Variants in CLEC4A observed in about 807,000 individuals in gnomAD.
CLEC4A encodes the protein C-type lectin domain family 4 member A, also known as C-type (calcium dependent, carbohydrate-recognition domain) lectin, superfamily member 6.
CLEC4A carries 27 observed loss-of-function variants against 32.7 expected under a neutral mutation model. The observed-to-expected ratio is 0.83, with a 90% CI of 0.61 to 1.14. CLEC4A has a LOEUF of 1.14. CLEC4A is among the 50% of genes most tolerant of loss of function. CLEC4A has a pLI of 0.00. For missense variants in CLEC4A, 253 were observed against 274.6 expected, an observed-to-expected ratio of 0.92 and a Z score of 0.55; for synonymous variants, 89 against 93.7, an observed-to-expected ratio of 0.95 and a Z score of 0.29.
chr12:8,131,980 G>A (rs1323439990), intron 3 of CLEC4A, among the ~76,000 whole-genome samples: 3 of 152,046 alleles, frequency 2.0e-5, no homozygotes, highest in Non-Finnish European at 2.9e-5. Flanking sequence ...TGTTCTTCCT[G>A]ATGCTCTCCC....
intron 2 of CLEC4A, among the ~76,000 whole-genome samples, chr12:8,128,605 T>G (rs1350980235): frequency 6.6e-6 from 1 of 152,014 alleles, no homozygotes; most frequent in Non-Finnish European, 1.5e-5. Flanking sequence ...GAGACGAGGT[T>G]TCACCATCTT....
intron 3 of CLEC4A, 110 bp downstream of exon 3, chr12:8,129,472 A>C: frequency 1.3e-6 from 1 of 748,752 alleles, no homozygotes; most frequent in Non-Finnish European, 2.3e-6. Context: ...GTTGAGTCTC[A>C]CAATAATTTA....
chr12:8,130,637 C>T (rs144853339), intron 3 of CLEC4A, among the ~76,000 whole-genome samples: 3 of 152,308 alleles, frequency 2.0e-5, no homozygotes, highest in Middle Eastern at 3.4e-3. Flanking sequence ...CCACCTCAGC[C>T]TCCCCGTGCT....
At chr12:8,116,242 G>A in the CLEC4A span, among the ~76,000 whole-genome samples, 5,125 of 152,186 alleles carry the variant, frequency 0.034, 293 homozygotes, top group African/African-American at 0.11. Context: ...GATTACAGGT[G>A]TGAGCCACCG....
At chr12:8,135,506 G>C (rs148913759) in intron 3 of CLEC4A, 79 bp from the exon 4 acceptor site, 2 of 1,461,304 alleles carry the variant, frequency 1.4e-6, no homozygotes, top group Non-Finnish European at 1.9e-6. Context: ...GCTCTCTCTT[G>C]GCTCTTAATT....
chr12:8,138,202 A>T lies in CLEC4A; in HGVS notation c.629A>T (p.Lys210Ile). 1 of 1,614,156 alleles carries T rather than the reference A, an allele frequency of 6.2e-7. No individual in the cohort carries two copies. Among genetic ancestry groups the T allele is most frequent in the East Asian group, 2.2e-5 (1 of 44,880 alleles). ...CGCTGCGTTGTGCTAAATTTTCGTA[A>T]ATCACCCAAAAGATGGGGCTGGAAT... ...NERCVVLNFR[K>I]SPKRWGWNDV... Residue 210 changes from lysine (K) to isoleucine (I), a missense_variant, in exon 6 of 6, where the codon AAA becomes ATA. Coordinates refer to ENST00000229332, the MANE Select transcript of CLEC4A (RefSeq NM_016184.4).
At chr12:8,117,517 G>A in the CLEC4A span, among the ~76,000 whole-genome samples, 139 of 152,064 alleles carry the variant, frequency 9.1e-4, 1 homozygote, top group Middle Eastern at 0.01. Flanking sequence ...GGGATTACAG[G>A]TGTGAGCCAC....
intron 5 of CLEC4A, 25 bp from the exon 6 acceptor site, chr12:8,138,115 C>T (rs1253350931): frequency 1.9e-6 from 3 of 1,609,212 alleles, no homozygotes; most frequent in Non-Finnish European, 2.5e-6. Flanking sequence ...TGAAGAAATG[C>T]CCTCATCCTT....
the CLEC4A span, among the ~76,000 whole-genome samples, chr12:8,107,584 A>G: frequency 1.1e-4 from 17 of 151,962 alleles, no homozygotes; most frequent in African/African-American, 3.9e-4. Flanking sequence ...CAGGGATTCA[A>G]TTTCTTCCTG....
At chr12:8,116,022 G>T in the CLEC4A span, among the ~76,000 whole-genome samples, 6 of 152,064 alleles carry the variant, frequency 3.9e-5, no homozygotes, top group African/African-American at 1.4e-4. Flanking sequence ...GAGTGCAGGT[G>T]TGATCTCGGC....
At chr12:8,132,948 T>C (rs1948026006) in intron 3 of CLEC4A, among the ~76,000 whole-genome samples, 1 of 152,138 alleles carries the variant, frequency 6.6e-6, no homozygotes, top group Non-Finnish European at 1.5e-5. Flanking sequence ...GAAGTCTCGC[T>C]CTGTTGCCCA....
chr12:8,138,097 G>C lies in CLEC4A; in HGVS notation c.567-43G>C, dbSNP rs200860072. ...ACCCCTGTCTCTAACCCTTTTCAAA[G>C]CTCTGTTTGAAGAAATGCCCTCATC... On this transcript the variant is annotated intron_variant, in intron 5 of 5. Transcript: ENST00000229332. 51 of 1,593,486 alleles carry C rather than the reference G, an allele frequency of 3.2e-5. No individual in the cohort carries two copies. The East Asian group carries it at 6.4e-4, about 20-fold the overall frequency.
At chr12:8,114,674 A>G in the CLEC4A span, among the ~76,000 whole-genome samples, 1 of 152,166 alleles carries the variant, frequency 6.6e-6, no homozygotes, top group Non-Finnish European at 1.5e-5. Context: ...CTTTTGCTTA[A>G]TTTACAGTTT....
At chr12:8,111,963 G>A in the CLEC4A span, among the ~76,000 whole-genome samples, 109,210 of 142,408 alleles carry the variant, frequency 0.77, 44,749 homozygotes, top group East Asian at 0.9. Flanking sequence ...GTGTGTGTGT[G>A]TATTTTATTT....
the CLEC4A span, among the ~76,000 whole-genome samples, chr12:8,105,766 G>A: frequency 6.6e-6 from 1 of 152,018 alleles, no homozygotes; most frequent in Non-Finnish European, 1.5e-5. Flanking sequence ...TTAATTTGCT[G>A]TTTATAGATT....
the CLEC4A span, among the ~76,000 whole-genome samples, chr12:8,106,809 T>C: frequency 2.6e-5 from 4 of 152,176 alleles, no homozygotes; most frequent in South Asian, 2.1e-4. Flanking sequence ...TATAGAATCA[T>C]CTCATCTGCA....
chr12:8,134,690 G>A (rs1948062678), intron 3 of CLEC4A: 1 of 1,576,042 alleles, frequency 6.3e-7, no homozygotes, highest in Non-Finnish European at 8.6e-7. Context: ...ACTCCTCAGA[G>A]CCTGGCCCAA....
intron 2 of CLEC4A, among the ~76,000 whole-genome samples, chr12:8,127,856 A>G (rs894091132): frequency 2.6e-5 from 4 of 152,206 alleles, no homozygotes; most frequent in Admixed American, 2.0e-4. Context: ...TTTTTCAAAG[A>G]GGTAGACAAT....
At chr12:8,128,262 A>G (rs1008489171) in intron 2 of CLEC4A, among the ~76,000 whole-genome samples, 1 of 152,136 alleles carries the variant, frequency 6.6e-6, no homozygotes, top group Non-Finnish European at 1.5e-5. Flanking sequence ...CCTTTAAGGA[A>G]GTCAAATAGG....
Sources: allele counts gnomAD v4.1 joint callset (sites outside exome capture counted in the v4.1 genomes callset), GRCh38; gene constraint gnomAD v4.1.1; transcripts MANE v1.5; gene names NCBI Gene and HGNC (gene_info 2026-07-23, HGNC 2026-07-21).